Variants in CNBD1 observed in about 807,000 individuals in gnomAD.
CNBD1 encodes cyclic nucleotide-binding domain-containing protein 1.
In CNBD1, 71 loss-of-function variants were observed where a neutral mutation model predicts 54.4. That is an observed-to-expected ratio of 1.30 (90% CI 1.08 to 1.59). The LOEUF (loss-of-function observed/expected upper bound fraction) is 1.59, where lower values mean the gene tolerates loss of function less well. Among genes scored for constraint, CNBD1 ranks in the 40% most tolerant of loss-of-function variants. The pLI is 0.00. For synonymous variants in CNBD1, 182 were observed against 170.7 expected, an observed-to-expected ratio of 1.07 and a Z score of -0.51; for missense variants, 659 against 518.0, an observed-to-expected ratio of 1.27 and a Z score of -2.64.
chr8:87,352,207 A>G (rs1810312393), intron 9 of CNBD1, among the ~76,000 whole-genome samples: 1 of 152,118 alleles, frequency 6.6e-6, no homozygotes, highest in South Asian at 2.1e-4. Context: ...AGGGCTGGGC[A>G]CAGTGGCTCA....
chr8:87,290,002 T>G (rs1203788502), intron 8 of CNBD1, among the ~76,000 whole-genome samples: 1 of 152,130 alleles, frequency 6.6e-6, no homozygotes, highest in Non-Finnish European at 1.5e-5. Context: ...TATTAATTCT[T>G]TTAATAATTT....
intron 4 of CNBD1, among the ~76,000 whole-genome samples, chr8:86,967,400 G>A (rs976301313): frequency 1.3e-5 from 2 of 152,234 alleles, no homozygotes; most frequent in Non-Finnish European, 2.9e-5. Context: ...AGGAGACTTG[G>A]GTTTGCAGCT....
At chr8:86,989,083 C>T (rs1163524314) in intron 4 of CNBD1, among the ~76,000 whole-genome samples, 1 of 151,948 alleles carries the variant, frequency 6.6e-6, no homozygotes, top group Admixed American at 6.6e-5. Context: ...CAAGCACAGG[C>T]AACATAGTGA....
chr8:87,099,046 A>C (rs946377618), intron 4 of CNBD1, among the ~76,000 whole-genome samples: 6 of 150,504 alleles, frequency 4.0e-5, no homozygotes, highest in African/African-American at 7.3e-5. Context: ...AAAAAAAAAA[A>C]AAAAAAAAAA....
At chr8:87,075,764 A>G (rs1810855718) in intron 4 of CNBD1, among the ~76,000 whole-genome samples, 1 of 152,162 alleles carries the variant, frequency 6.6e-6, no homozygotes, top group Non-Finnish European at 1.5e-5. Flanking sequence ...GGTAAAATGT[A>G]CATGGGTGTT....
At chr8:87,048,800 G>A (rs1010062790) in intron 4 of CNBD1, among the ~76,000 whole-genome samples, 1 of 152,116 alleles carries the variant, frequency 6.6e-6, no homozygotes, top group East Asian at 1.9e-4. Context: ...TTTGAATTTG[G>A]TGGGGAAGGA....
intron 10 of CNBD1, among the ~76,000 whole-genome samples, chr8:87,382,334 T>G (rs1396512323): frequency 6.6e-6 from 1 of 150,940 alleles, no homozygotes; most frequent in East Asian, 1.9e-4. Flanking sequence ...GCAAGAAACA[T>G]AATATTACTA....
At chr8:86,942,254 C>T (rs961713192) in intron 4 of CNBD1, among the ~76,000 whole-genome samples, 1 of 152,150 alleles carries the variant, frequency 6.6e-6, no homozygotes, top group African/African-American at 2.4e-5. Context: ...TTTCTCTCCT[C>T]TTCTCCTTGG....
At chr8:87,148,514 G>T (rs1388131661) in intron 4 of CNBD1, among the ~76,000 whole-genome samples, 2 of 152,280 alleles carry the variant, frequency 1.3e-5, no homozygotes, top group African/African-American at 2.4e-5. Flanking sequence ...TAACTATGAA[G>T]AGGCAGAATT....
At chr8:87,224,073 A>G (rs1814415302) in intron 5 of CNBD1, among the ~76,000 whole-genome samples, 1 of 150,730 alleles carries the variant, frequency 6.6e-6, no homozygotes, top group Admixed American at 6.6e-5. Context: ...TCCTTCACCC[A>G]CTTTTTGATG....
intron 6 of CNBD1, among the ~76,000 whole-genome samples, chr8:87,275,552 A>T (rs1259453203): frequency 6.6e-6 from 1 of 151,840 alleles, no homozygotes; most frequent in Non-Finnish European, 1.5e-5. Context: ...TCAATAAATT[A>T]GGTATTGATG....
At chr8:87,224,985 A>T (rs1204900395) in intron 5 of CNBD1, among the ~76,000 whole-genome samples, 1 of 151,940 alleles carries the variant, frequency 6.6e-6, no homozygotes, top group African/African-American at 2.4e-5. Context: ...ATTCCTGGGT[A>T]TTTTATTCTC....
Position 87,101,012 on chromosome 8 carries a change from C to T in CNBD1, c.432-104981C>T, listed in dbSNP as rs954761982. ...AAAACAAAACGAAAAACTTCAGTTC[C>T]TGGCCACTGGGGGAGAAAGATTTTA... On this transcript the variant is annotated intron_variant, in intron 4 of 10. Transcript: ENST00000518476. Among the ~76,000 whole-genome samples the T allele has an allele frequency of 7.2e-5, 11 of 152,268 alleles. 1 individual carries two copies. Among genetic ancestry groups the T allele is most frequent in the Admixed American group, 5.9e-4 (9 of 15,290 alleles).
intron 4 of CNBD1, among the ~76,000 whole-genome samples, chr8:87,033,417 A>T (rs1809837413): frequency 6.6e-6 from 1 of 152,164 alleles, no homozygotes. Flanking sequence ...GTAATTCTTG[A>T]CTTCGGGGAC....
chr8:87,418,087 G>T (rs1000747084), intron 2 of CNBD1, among the ~76,000 whole-genome samples: 6 of 151,772 alleles, frequency 4.0e-5, no homozygotes, highest in Admixed American at 2.6e-4. Context: ...TAAGGACCCA[G>T]AACAGTCAAC....
chr8:87,220,075 ATAAT>A (rs941876873), intron 5 of CNBD1, among the ~76,000 whole-genome samples: 17 of 152,158 alleles, frequency 1.1e-4, no homozygotes, highest in South Asian at 4.1e-4. Flanking sequence ...TAAAGGATTA[ATAAT>A]TAATAGGTTG....
intron 4 of CNBD1, among the ~76,000 whole-genome samples, chr8:87,067,004 CT>C (rs780231007): frequency 1.2e-4 from 18 of 152,010 alleles, no homozygotes; most frequent in Non-Finnish European, 2.2e-4. Flanking sequence ...AATTTCACAA[CT>C]ACTTCATTAA....
At chr8:87,058,443 C>G (rs145936856) in intron 4 of CNBD1, among the ~76,000 whole-genome samples, 22 of 152,346 alleles carry the variant, frequency 1.4e-4, no homozygotes, top group African/African-American at 5.0e-4. Context: ...CCCACATTTC[C>G]TTTCTGCACT....
intron 4 of CNBD1, among the ~76,000 whole-genome samples, chr8:87,054,303 A>G (rs1052802247): frequency 3.9e-5 from 6 of 152,212 alleles, no homozygotes; most frequent in Admixed American, 3.9e-4. Context: ...CCTCCCCACA[A>G]GAAAAAAATA....
Sources: gnomAD v4.1 joint callset for allele counts (sites outside exome capture counted in the v4.1 genomes callset) on GRCh38, gnomAD v4.1.1 for gene constraint, MANE v1.5 for transcripts, NCBI Gene and HGNC (gene_info 2026-07-23, HGNC 2026-07-21) for gene names.